The following KCNQ4 variants were observed in gnomAD, a reference collection of about 807,000 sequenced individuals.
The protein encoded by KCNQ4 is potassium voltage-gated channel subfamily Q member 4, also known as potassium voltage-gated channel subfamily KQT member 4.
KCNQ4 carries 31 observed loss-of-function variants against 72.6 expected under a neutral mutation model. The ratio of observed to expected loss-of-function variants is 0.43; its 90% confidence interval spans 0.32 to 0.58. The LOEUF (loss-of-function observed/expected upper bound fraction) is 0.58. Among genes scored for constraint, KCNQ4 ranks in the 20% least tolerant of loss-of-function variants. The pLI is 0.08. For missense variants in KCNQ4, 869 were observed against 962.6 expected (o/e 0.90, Z 1.29); for synonymous variants, 405 against 403.7 (o/e 1.00, Z -0.04).
chr1:40,814,694 A>T (rs1325017303), intron 1 of KCNQ4, among the ~76,000 whole-genome samples: 1 of 140,504 alleles, frequency 7.1e-6, no homozygotes, highest in Non-Finnish European at 1.6e-5. Flanking sequence ...ACAGAGTGAG[A>T]CCCTGTCTCA....
At chr1:40,830,870 G>C (rs551185350) in intron 9 of KCNQ4, among the ~76,000 whole-genome samples, 18 of 152,160 alleles carry the variant, frequency 1.2e-4, no homozygotes, top group Non-Finnish European at 2.4e-4. Flanking sequence ...TGTGGGTGGT[G>C]GGGAGAGGAT....
intron 9 of KCNQ4, chr1:40,826,821 C>G (rs1648493146): frequency 2.8e-6 from 1 of 360,882 alleles, no homozygotes; most frequent in African/African-American, 2.1e-5. Context: ...GCCTTGGGTG[C>G]CCAGTGAACC....
chr1:40,786,341 G>A (rs1647202811), intron 1 of KCNQ4, among the ~76,000 whole-genome samples: 1 of 152,226 alleles, frequency 6.6e-6, no homozygotes, highest in South Asian at 2.1e-4. Flanking sequence ...CCTGCCTCCT[G>A]TCCCCTGGCC....
chr1:40,809,033 A>ATTTG lies in KCNQ4; in HGVS notation c.315-8232_315-8231insTTTG, dbSNP rs765709478. Among the ~76,000 whole-genome samples, 23 of 152,302 alleles carry ATTTG rather than the reference A, an allele frequency of 1.5e-4. No individual in the cohort carries two copies. The South Asian group carries it at 4.6e-3, about 30-fold the overall frequency. On this transcript the variant is annotated intron_variant, in intron 1 of 13. Transcript: ENST00000347132. ...GAAGGCTGCCCTTGCCAAGGGACCC[A>ATTTG]GTGACCAATGTGTCACCAAATCCAG...
rs1443087108 is a variant in KCNQ4 at position 40,818,498 on chromosome 1, C to T, written c.533-7C>T. On this transcript the variant is annotated splice_polypyrimidine_tract_variant and splice_region_variant and intron_variant, in intron 3 of 13. Coordinates refer to ENST00000347132, the MANE Select transcript of KCNQ4 (RefSeq NM_004700.4). ...TGGCTGTGATCTCGCCGCCCCCGCC[C>T]CTGCAGACTTCATCGTGTTCGTGGC... is the stretch of plus-strand genomic sequence containing the variant. 2 of 1,600,652 alleles carry T rather than the reference C, an allele frequency of 1.2e-6. No homozygotes were observed. The highest frequency in any genetic ancestry group is 1.7e-6 in the Non-Finnish European group (2 of 1,179,852).
chr1:40,791,455 C>G (rs889105650), intron 1 of KCNQ4, among the ~76,000 whole-genome samples: 2 of 152,190 alleles, frequency 1.3e-5, no homozygotes, highest in Non-Finnish European at 2.9e-5. Flanking sequence ...GCTGAGCCGA[C>G]CTCAGTGGCT....
chr1:40,821,121 G>A (rs1387503514), intron 7 of KCNQ4, among the ~76,000 whole-genome samples: 1 of 152,112 alleles, frequency 6.6e-6, no homozygotes, highest in African/African-American at 2.4e-5. Flanking sequence ...GCGTCCCTTG[G>A]GGCACAATGG....
In KCNQ4 at chr1:40,831,203, G is replaced by C; in HGVS notation, c.1412G>C (p.Gly471Ala). 6.2e-7 allele frequency: 1 copy of C among 1,610,392 alleles called. No homozygotes were observed. The highest frequency in any genetic ancestry group is 8.5e-7 in the Non-Finnish European group (1 of 1,178,466). The change falls in exon 10 of 14, where the codon GGT becomes GCT. Residue 471 changes from glycine to alanine, a missense_variant. Transcript: ENST00000347132. ...ACCTCCCCAAGCAGCGAGCAGGTGGGTGAGGCCACCAGCCCCACCAAGGTG... is the reference window on the plus strand; with the variant it reads ...ACCTCCCCAAGCAGCGAGCAGGTGGCTGAGGCCACCAGCCCCACCAAGGTG... Reference protein sequence around the residue: ...MPTSPSSEQVGEATSPTKVQK... With the variant: ...MPTSPSSEQVAEATSPTKVQK...
At chr1:40,825,066 G>A (rs981366988) in intron 9 of KCNQ4, among the ~76,000 whole-genome samples, 2 of 152,230 alleles carry the variant, frequency 1.3e-5, no homozygotes, top group Admixed American at 1.3e-4. Flanking sequence ...AGGGAAGCCC[G>A]TCCACTCACA....
intron 5 of KCNQ4, 119 bp from the exon 6 acceptor site, chr1:40,819,756 C>A: frequency 1.1e-6 from 1 of 886,856 alleles, no homozygotes; most frequent in Non-Finnish European, 1.9e-6. Flanking sequence ...CCCTAACCAG[C>A]CCCCGTGGGT....
intron 1 of KCNQ4, among the ~76,000 whole-genome samples, chr1:40,804,231 C>A (rs527347477): frequency 4.6e-5 from 7 of 152,242 alleles, no homozygotes; most frequent in Non-Finnish European, 1.0e-4. Flanking sequence ...CAGGTCCCAT[C>A]TTGGCCCCAG....
intron 1 of KCNQ4, among the ~76,000 whole-genome samples, chr1:40,815,879 C>T (rs1197136717): frequency 4.6e-5 from 7 of 152,156 alleles, no homozygotes; most frequent in Admixed American, 3.9e-4. Flanking sequence ...GGGATCCAAA[C>T]TCAGGTCTCT....
intron 1 of KCNQ4, among the ~76,000 whole-genome samples, chr1:40,805,435 T>A (rs1009083532): frequency 1.6e-4 from 24 of 152,128 alleles, no homozygotes; most frequent in African/African-American, 5.5e-4. Flanking sequence ...CCCCCACCAC[T>A]CTCCCCTTGC....
rs1300726214 is a variant in KCNQ4, at chr1:40,784,024, C to G, written c.-70C>G. The G allele has an allele frequency of 1.3e-5, 2 of 149,422 alleles. No homozygotes were observed. Among genetic ancestry groups the G allele is most frequent in the Non-Finnish European group, 2.9e-5 (2 of 68,252 alleles). 9.3% of individuals were successfully genotyped at this position (149,422 alleles called of 1,614,324 possible). On this transcript the variant is annotated 5_prime_UTR_variant, in exon 1 of 14. Transcript: ENST00000347132. The surrounding 1 kb of genome is among the most constrained non-coding windows in gnomAD (Gnocchi z 4.1). ...GGCCCCGGGTCCGAGCCATGCGTCT[C>G]TGAGCGCCCCGAGCGCGCCCCCGCC...
intron 12 of KCNQ4, among the ~76,000 whole-genome samples, chr1:40,836,518 T>C (rs1169239391): frequency 6.6e-6 from 1 of 152,062 alleles, no homozygotes; most frequent in African/African-American, 2.4e-5. Context: ...GTCGAAAGTG[T>C]AGAGGAATTG....
intron 1 of KCNQ4, among the ~76,000 whole-genome samples, chr1:40,799,749 G>A (rs969708092): frequency 2.0e-5 from 3 of 152,224 alleles, no homozygotes; most frequent in Non-Finnish European, 4.4e-5. Flanking sequence ...GCCTGGGACT[G>A]TGCCCTGGAT....
chr1:40,827,053 G>A (rs1303409462), intron 9 of KCNQ4, among the ~76,000 whole-genome samples: 1 of 152,230 alleles, frequency 6.6e-6, no homozygotes, highest in African/African-American at 2.4e-5. Flanking sequence ...ACTTTTGCCA[G>A]GCCTTGGGCT....
chr1:40,809,619 A>G (rs1160794475), intron 1 of KCNQ4, among the ~76,000 whole-genome samples: 1 of 151,976 alleles, frequency 6.6e-6, no homozygotes, highest in Admixed American at 6.5e-5. Context: ...CCCTGCTGCC[A>G]CCACCCTGGG....
intron 10 of KCNQ4, among the ~76,000 whole-genome samples, 159 bp from the exon 11 acceptor site, chr1:40,832,855 A>C (rs1429455268): frequency 7.8e-6 from 1 of 128,136 alleles, no homozygotes; most frequent in Admixed American, 8.4e-5. Context: ...CACCCTGGGG[A>C]GGGCAGTGAG....
Sources: gnomAD v4.1 joint callset for allele counts (sites outside exome capture counted in the v4.1 genomes callset) on GRCh38, gnomAD v4.1.1 for gene constraint, Gnocchi (gnomAD v3.1) non-coding constraint, MANE v1.5 for transcripts, NCBI Gene and HGNC (gene_info 2026-07-23, HGNC 2026-07-21) for gene names.